Variants in CCS observed in about 807,000 individuals in gnomAD.
The protein encoded by CCS is superoxide dismutase copper chaperone.
In CCS, 32 loss-of-function variants were observed where a neutral mutation model predicts 35.5. That is an observed-to-expected ratio of 0.90 (90% confidence interval 0.68 to 1.21). The LOEUF (loss-of-function observed/expected upper bound fraction) is 1.21, where lower values mean the gene tolerates loss of function less well. CCS is among the 50% of genes most tolerant of loss of function. The probability of loss-of-function intolerance (pLI) is 0.00; values close to 1 mark genes in which losing one functional copy is unlikely to be tolerated. For missense variants in CCS, 342 were observed against 375.4 expected (o/e 0.91, Z 0.73); for synonymous variants, 130 against 147.2 (o/e 0.88, Z 0.84).
intron 2 of CCS, among the ~76,000 whole-genome samples, chr11:66,594,765 A>G (rs1590827506): frequency 7.6e-6 from 1 of 131,154 alleles, no homozygotes; most frequent in African/African-American, 3.0e-5. Context: ...ACAGAGTGAG[A>G]CCCTCTCTCA....
At chr11:66,601,694 G>A (rs1427216961) in intron 5 of CCS, among the ~76,000 whole-genome samples, 2 of 151,674 alleles carry the variant, frequency 1.3e-5, no homozygotes, top group African/African-American at 4.8e-5. Flanking sequence ...TCACCTGATA[G>A]CTGGGACCAC....
chr11:66,605,255 G>C (rs771043928), intron 5 of CCS, 84 bp from the exon 6 acceptor site: 3 of 1,584,574 alleles, frequency 1.9e-6, no homozygotes, highest in Non-Finnish European at 2.6e-6. Flanking sequence ...AGCAGGAAGA[G>C]GCGTCGGAAT....
At chr11:66,600,450 G>A in intron 4 of CCS, 39 bp from the exon 5 acceptor site, 1 of 1,344,350 alleles carries the variant, frequency 7.4e-7, no homozygotes, top group Middle Eastern at 1.9e-4. Flanking sequence ...CCTGGCCTGT[G>A]AGCTGCTTTC....
At chr11:66,605,455 G>A (rs771708851) in intron 6 of CCS, 34 bp from the exon 7 acceptor site, 1 of 1,613,768 alleles carries the variant, frequency 6.2e-7, no homozygotes, top group Non-Finnish European at 8.5e-7. Context: ...TCCTAACAGG[G>A]TCCATCATCT....
intron 5 of CCS, among the ~76,000 whole-genome samples, chr11:66,601,675 C>A (rs1858573743): frequency 6.6e-6 from 1 of 151,408 alleles, no homozygotes. Flanking sequence ...CTCAAGCAAT[C>A]CTCCCACCTC....
intron 5 of CCS, among the ~76,000 whole-genome samples, chr11:66,604,682 T>C (rs73505425): frequency 0.046 from 7,062 of 152,278 alleles, 179 homozygotes; most frequent in Middle Eastern, 0.095. Flanking sequence ...GCATACTCCC[T>C]GCCATGTTGG....
At chr11:66,602,955 C>T (rs1196104185) in intron 5 of CCS, among the ~76,000 whole-genome samples, 1 of 152,236 alleles carries the variant, frequency 6.6e-6, no homozygotes, top group Non-Finnish European at 1.5e-5. Context: ...CTGGTTGTCC[C>T]TTGCACATCT....
intron 2 of CCS, among the ~76,000 whole-genome samples, chr11:66,598,413 C>T (rs905528719): frequency 1.3e-5 from 2 of 148,476 alleles, no homozygotes; most frequent in African/African-American, 2.5e-5. Context: ...ACTCGGGAGG[C>T]TAAGGCAGGA....
At chr11:66,604,815 C>T (rs1858628322) in intron 5 of CCS, among the ~76,000 whole-genome samples, 1 of 152,198 alleles carries the variant, frequency 6.6e-6, no homozygotes, top group South Asian at 2.1e-4. Flanking sequence ...CCTTGCATTT[C>T]CTTCTGTTCC....
At chr11:66,593,493 T>C in intron 1 of CCS, 149 bp from the exon 2 acceptor site, 1 of 948,342 alleles carries the variant, frequency 1.1e-6, no homozygotes, top group East Asian at 2.6e-5. Flanking sequence ...CCTGGAATGG[T>C]CATGAGAGAT....
intron 2 of CCS, among the ~76,000 whole-genome samples, chr11:66,595,975 A>C (rs1464146037): frequency 6.6e-6 from 1 of 152,236 alleles, no homozygotes; most frequent in Non-Finnish European, 1.5e-5. Flanking sequence ...TTAGGCCTCC[A>C]CACTGCTCCA....
At chr11:66,601,114 T>C (rs1458614700) in intron 5 of CCS, among the ~76,000 whole-genome samples, 1 of 152,194 alleles carries the variant, frequency 6.6e-6, no homozygotes, top group African/African-American at 2.4e-5. Flanking sequence ...TTTTCTGAGA[T>C]GGAGTTTTGT....
At chr11:66,596,411 G>T (rs1030200023) in intron 2 of CCS, among the ~76,000 whole-genome samples, 1 of 138,490 alleles carries the variant, frequency 7.2e-6, no homozygotes, top group African/African-American at 2.8e-5. Context: ...ACGGAATCTC[G>T]CTCTGTTGCC....
intron 2 of CCS, among the ~76,000 whole-genome samples, chr11:66,595,831 G>A (rs1327934009): frequency 6.6e-6 from 1 of 152,160 alleles, no homozygotes. Context: ...AATTCAGGAG[G>A]TACATAGTGA....
At chr11:66,605,178 C>T (rs780327421) in intron 5 of CCS, 161 bp from the exon 6 acceptor site, 1 of 1,538,182 alleles carries the variant, frequency 6.5e-7, no homozygotes, top group South Asian at 1.2e-5. Flanking sequence ...ACCTTGCCTG[C>T]CCAGTCCTTG....
At chr11:66,595,544 C>T (rs1167194319) in intron 2 of CCS, among the ~76,000 whole-genome samples, 1 of 152,148 alleles carries the variant, frequency 6.6e-6, no homozygotes, top group Non-Finnish European at 1.5e-5. Flanking sequence ...AGAATACACA[C>T]ACACAGAGAA....
chr11:66,604,285 C>T (rs1189043639), intron 5 of CCS, among the ~76,000 whole-genome samples: 1 of 152,086 alleles, frequency 6.6e-6, no homozygotes, highest in African/African-American at 2.4e-5. Context: ...TATCCCCTCC[C>T]CCTTCTTGAT....
chr11:66,602,175 A>G (rs1858581846), intron 5 of CCS, among the ~76,000 whole-genome samples: 1 of 152,190 alleles, frequency 6.6e-6, no homozygotes, highest in Non-Finnish European at 1.5e-5. Flanking sequence ...AATGACTCCA[A>G]AGTTAGGAGT....
At chr11:66,600,465 C>T (rs748748075) in intron 4 of CCS, 24 bp from the exon 5 acceptor site, 2 of 1,487,088 alleles carry the variant, frequency 1.3e-6, no homozygotes, top group East Asian at 2.5e-5. Context: ...GCTTTCCTGC[C>T]CACCTGTTTC....
Sources: gnomAD v4.1 joint callset for allele counts (sites outside exome capture counted in the v4.1 genomes callset) on GRCh38, gnomAD v4.1.1 for gene constraint, MANE v1.5 for transcripts, NCBI Gene and HGNC (gene_info 2026-07-23, HGNC 2026-07-21) for gene names.